The following VTCN1 variants were observed in gnomAD, a reference collection of about 807,000 sequenced individuals.
VTCN1 encodes V-set domain-containing T-cell activation inhibitor 1.
A neutral mutation model predicts 26.5 loss-of-function variants in VTCN1; 26 were observed. The observed-to-expected ratio is 0.98, with a 90% CI of 0.72 to 1.36. VTCN1 has a LOEUF of 1.36. VTCN1 is among the 40% of genes most tolerant of loss of function. VTCN1 has a pLI of 0.00. For synonymous variants in VTCN1, 116 were observed against 130.7 expected, an observed-to-expected ratio of 0.89 and a Z score of 0.77; for missense variants, 298 against 337.7, an observed-to-expected ratio of 0.88 and a Z score of 0.92.
chr1:117,153,520 GT>G, intron 3 of VTCN1, 151 bp from the exon 4 acceptor site: 1 of 809,262 alleles, frequency 1.2e-6, no homozygotes, highest in African/African-American at 1.8e-5. Context: ...AGGTCCACCT[GT>G]GTATAGCCCA....
intron 1 of VTCN1, among the ~76,000 whole-genome samples, chr1:117,201,008 T>C (rs1370835507): frequency 1.3e-5 from 2 of 152,190 alleles, no homozygotes; most frequent in African/African-American, 2.4e-5. Flanking sequence ...CTCGAATTCC[T>C]GGACTGAAGT....
intron 2 of VTCN1, among the ~76,000 whole-genome samples, chr1:117,162,316 A>G (rs1303145805): frequency 6.6e-6 from 1 of 152,266 alleles, no homozygotes; most frequent in African/African-American, 2.4e-5. Context: ...ATTTGCAAGC[A>G]ACCACATGTA....
At chr1:117,197,996 T>A (rs552299710) in intron 1 of VTCN1, among the ~76,000 whole-genome samples, 1 of 152,272 alleles carries the variant, frequency 6.6e-6, no homozygotes, top group South Asian at 2.1e-4. Flanking sequence ...AGTCCAAGAA[T>A]TTCTCCTGTA....
chr1:117,179,265 C>G (rs10801935), intron 1 of VTCN1, among the ~76,000 whole-genome samples: 8 of 151,972 alleles, frequency 5.3e-5, no homozygotes, highest in Non-Finnish European at 7.4e-5. Context: ...CTTGCTGTGT[C>G]GACCAAAAAT....
intron 1 of VTCN1, among the ~76,000 whole-genome samples, chr1:117,184,046 GA>G (rs1647807470): frequency 6.6e-6 from 1 of 152,286 alleles, no homozygotes; most frequent in African/African-American, 2.4e-5. Flanking sequence ...CCTTTAAAAT[GA>G]AATCTTGGTT....
intron 1 of VTCN1, among the ~76,000 whole-genome samples, chr1:117,196,965 C>T (rs1282347527): frequency 6.6e-6 from 1 of 152,142 alleles, no homozygotes; most frequent in African/African-American, 2.4e-5. Flanking sequence ...TTGGGGAATG[C>T]TAATGAAAGC....
At chr1:117,206,669 T>A (rs61808503) in intron 1 of VTCN1, among the ~76,000 whole-genome samples, 140,871 of 152,188 alleles carry the variant, frequency 0.93, 65,478 homozygotes, top group Non-Finnish European at 0.97. Flanking sequence ...GATATTCATA[T>A]CTGTTGATGC....
chr1:117,196,407 G>T (rs34056550), intron 1 of VTCN1, among the ~76,000 whole-genome samples: 10,191 of 149,260 alleles, frequency 0.068, 466 homozygotes, highest in Admixed American at 0.13. Context: ...TATATATAGA[G>T]AGAGAGAGAG....
intron 1 of VTCN1, among the ~76,000 whole-genome samples, chr1:117,193,383 A>G (rs897370993): frequency 2.0e-5 from 3 of 152,184 alleles, no homozygotes; most frequent in Admixed American, 2.0e-4. Context: ...TAGGACACAG[A>G]ATGAAAGTGA....
chr1:117,152,134 T>C (rs982948967), intron 4 of VTCN1, among the ~76,000 whole-genome samples: 1 of 152,192 alleles, frequency 6.6e-6, no homozygotes, highest in African/African-American at 2.4e-5. Flanking sequence ...TTTACAAATA[T>C]TTTCTCCCAT....
At chr1:117,192,424 C>T (rs1301884433) in intron 1 of VTCN1, among the ~76,000 whole-genome samples, 1 of 152,002 alleles carries the variant, frequency 6.6e-6, no homozygotes. Context: ...TTAAAGGATG[C>T]TAAGTAACAA....
At chr1:117,178,734 C>T (rs921689920) in intron 1 of VTCN1, among the ~76,000 whole-genome samples, 1 of 151,760 alleles carries the variant, frequency 6.6e-6, no homozygotes, top group Non-Finnish European at 1.5e-5. Context: ...GCTGGGACTA[C>T]ATACATGTGC....
At chr1:117,209,832 GA>G (rs888017736) in intron 1 of VTCN1, among the ~76,000 whole-genome samples, 5 of 152,200 alleles carry the variant, frequency 3.3e-5, no homozygotes, top group African/African-American at 1.2e-4. Context: ...TTGTTTCAAG[GA>G]AAAGAACTTT....
At chr1:117,148,987 T>G (rs891280202) in intron 4 of VTCN1, among the ~76,000 whole-genome samples, 1 of 152,168 alleles carries the variant, frequency 6.6e-6, no homozygotes, top group Non-Finnish European at 1.5e-5. Flanking sequence ...AAGGAGGAGC[T>G]GAGCTACTTA....
At chr1:117,201,750 T>C (rs1306164235) in intron 1 of VTCN1, among the ~76,000 whole-genome samples, 1 of 152,250 alleles carries the variant, frequency 6.6e-6, no homozygotes, top group East Asian at 1.9e-4. Flanking sequence ...ATTATGGTCA[T>C]TAGACAAAGA....
intron 1 of VTCN1, among the ~76,000 whole-genome samples, chr1:117,185,754 T>C (rs1647905019): frequency 6.6e-6 from 1 of 151,972 alleles, no homozygotes; most frequent in Admixed American, 6.5e-5. Flanking sequence ...AGAAATTCCT[T>C]TCTATTGATA....
intron 4 of VTCN1, among the ~76,000 whole-genome samples, chr1:117,149,171 A>C (rs955781693): frequency 6.6e-6 from 1 of 152,136 alleles, no homozygotes; most frequent in African/African-American, 2.4e-5. Flanking sequence ...AACCTATCAC[A>C]TGCTGGCTAT....
In VTCN1 at chr1:117,147,597, T is replaced by C. The variant is rs977967696; in HGVS notation, c.*45+16A>G. ...CCACAGAACCAATATCCCACACTAT[T>C]TGTGATTAATCTCACCTGTTGTAAC... On this transcript the variant is annotated intron_variant, in intron 5 of 5. Coordinates refer to ENST00000369458, the MANE Select transcript of VTCN1 (RefSeq NM_024626.4). This position sits in a 1 kb window ranked among gnomAD's most constrained non-coding sequence, Gnocchi z 4.6. 2 of 1,595,502 alleles carry C rather than the reference T, an allele frequency of 1.3e-6. No individual in the cohort carries two copies. Among genetic ancestry groups the C allele is most frequent in the Non-Finnish European group, 8.5e-7 (1 of 1,171,996 alleles).
At chr1:117,153,479 T>TA in intron 3 of VTCN1, 110 bp from the exon 4 acceptor site, 1 of 1,211,186 alleles carries the variant, frequency 8.3e-7, no homozygotes, top group Non-Finnish European at 1.1e-6. Flanking sequence ...TTTTTTTTTT[T>TA]TATCATTGAA....
Sources: gnomAD v4.1 joint callset for allele counts (sites outside exome capture counted in the v4.1 genomes callset) on GRCh38, gnomAD v4.1.1 for gene constraint, Gnocchi (gnomAD v3.1) non-coding constraint, MANE v1.5 for transcripts, NCBI Gene and HGNC (gene_info 2026-07-23, HGNC 2026-07-21) for gene names.